SLC24A2: variants seen among roughly 807,000 people sequenced by gnomAD.
The protein encoded by SLC24A2 is sodium/potassium/calcium exchanger 2.
In SLC24A2, 36 loss-of-function variants were observed where a neutral mutation model predicts 62.0. The ratio of observed to expected loss-of-function variants is 0.58; its 90% CI spans 0.44 to 0.77. The LOEUF is 0.77. SLC24A2 is among the 30% of genes least tolerant of loss of function. SLC24A2 has a pLI of 0.00. For missense variants in SLC24A2, 846 were observed against 817.9 expected (o/e 1.03, Z -0.42); for synonymous variants, 358 against 294.0 (o/e 1.22, Z -2.23).
chr9:20,169,191 C>T, the SLC24A2 span, among the ~76,000 whole-genome samples: 6 of 151,818 alleles, frequency 4.0e-5, no homozygotes, highest in African/African-American at 1.5e-4. Context: ...TAATCAGGGG[C>T]TGAGAAGGAA....
chr9:20,226,528 A>G, the SLC24A2 span, among the ~76,000 whole-genome samples: 2 of 152,158 alleles, frequency 1.3e-5, no homozygotes, highest in Non-Finnish European at 2.9e-5. Context: ...GTAGTCTGCC[A>G]ACATTTGGCA....
chr9:20,116,136 A>T, the SLC24A2 span, among the ~76,000 whole-genome samples: 1 of 152,172 alleles, frequency 6.6e-6, no homozygotes, highest in African/African-American at 2.4e-5. Flanking sequence ...ATTTGAAAGA[A>T]ACTTAATAAT....
At chr9:20,204,739 T>C in the SLC24A2 span, among the ~76,000 whole-genome samples, 2 of 147,672 alleles carry the variant, frequency 1.4e-5, no homozygotes, top group Non-Finnish European at 3.0e-5. Context: ...ATAAAAAGTA[T>C]AACTTTTTTT....
At chr9:20,118,902 A>G in the SLC24A2 span, among the ~76,000 whole-genome samples, 29 of 152,100 alleles carry the variant, frequency 1.9e-4, no homozygotes, top group Non-Finnish European at 4.1e-4. Context: ...AAATATGTCA[A>G]AGGTGGTGAG....
the SLC24A2 span, among the ~76,000 whole-genome samples, chr9:20,009,418 T>C: frequency 8.8e-5 from 13 of 148,006 alleles, no homozygotes; most frequent in Admixed American, 6.8e-5. Flanking sequence ...GGGCGGGTGA[T>C]AGAGTTCACA....
At chr9:20,151,948 G>A in the SLC24A2 span, among the ~76,000 whole-genome samples, 1 of 151,572 alleles carries the variant, frequency 6.6e-6, no homozygotes, top group South Asian at 2.1e-4. Context: ...AACTGTTCTC[G>A]GAGTCTGGGG....
chr9:19,895,891 C>T, the SLC24A2 span: 45 of 1,613,160 alleles, frequency 2.8e-5, no homozygotes, highest in Middle Eastern at 1.7e-4. Flanking sequence ...CAGTGTGATG[C>T]GCCGGGCAGG....
the SLC24A2 span, among the ~76,000 whole-genome samples, chr9:20,045,735 G>C: frequency 6.6e-6 from 1 of 152,092 alleles, no homozygotes; most frequent in Non-Finnish European, 1.5e-5. Flanking sequence ...TGGGCCACAT[G>C]TTATTAATAC....
At chr9:19,969,004 T>C in the SLC24A2 span, among the ~76,000 whole-genome samples, 1 of 152,138 alleles carries the variant, frequency 6.6e-6, no homozygotes, top group Non-Finnish European at 1.5e-5. Context: ...ACAGTGGCTG[T>C]TCTACCAGAC....
At chr9:20,145,395 C>G in the SLC24A2 span, among the ~76,000 whole-genome samples, 1 of 152,072 alleles carries the variant, frequency 6.6e-6, no homozygotes, top group Non-Finnish European at 1.5e-5. Context: ...CATTTGGAAG[C>G]AATCTCTCAG....
At chr9:20,264,897 T>C in the SLC24A2 span, among the ~76,000 whole-genome samples, 1 of 152,194 alleles carries the variant, frequency 6.6e-6, no homozygotes, top group Non-Finnish European at 1.5e-5. Flanking sequence ...AATCTCTGAG[T>C]TCAAGACGGC....
chr9:19,925,974 T>C, the SLC24A2 span: 4 of 152,158 alleles, frequency 2.6e-5, no homozygotes, highest in African/African-American at 9.7e-5. Context: ...TGTTCTTTAA[T>C]TGCACAGTAT....
At position 19,511,446 on chromosome 9, in the gene SLC24A2, G is replaced by A. The variant is rs1475982436; in HGVS notation, c.*4707C>T. 1 of 152,222 alleles carries A rather than the reference G, an allele frequency of 6.6e-6. No individual in the cohort carries two copies. Among genetic ancestry groups the A allele is most frequent in the Admixed American group, 6.5e-5 (1 of 15,284 alleles). 9.4% of individuals were successfully genotyped at this position (152,222 alleles called of 1,614,324 possible). On this transcript the variant is annotated 3_prime_UTR_variant, in exon 11 of 11. Coordinates refer to ENST00000341998, the MANE Select transcript of SLC24A2 (RefSeq NM_020344.4). Reference sequence around the variant, plus strand: ...ATTGGCTAAACATAGCCTGATATTTGTTACTGTTTTAAACTACATAGGGAT... The same window carrying A: ...ATTGGCTAAACATAGCCTGATATTTATTACTGTTTTAAACTACATAGGGAT...
the SLC24A2 span, among the ~76,000 whole-genome samples, chr9:20,160,528 G>A: frequency 2.0e-5 from 3 of 151,212 alleles, no homozygotes; most frequent in South Asian, 6.2e-4. Flanking sequence ...AAATTGATAT[G>A]GTAGTTTATA....
At chr9:20,110,498 C>T in the SLC24A2 span, among the ~76,000 whole-genome samples, 1 of 151,552 alleles carries the variant, frequency 6.6e-6, no homozygotes. Flanking sequence ...GTGATTATAA[C>T]AATCAAAGGC....
chr9:20,291,249 T>G, the SLC24A2 span, among the ~76,000 whole-genome samples: 2 of 151,514 alleles, frequency 1.3e-5, no homozygotes, highest in African/African-American at 4.9e-5. Flanking sequence ...AGGAGAGAAA[T>G]AGAAAAACAG....
chr9:19,607,337 G>A (rs1392534708), intron 4 of SLC24A2, among the ~76,000 whole-genome samples: 11 of 152,154 alleles, frequency 7.2e-5, no homozygotes, highest in Admixed American at 7.2e-4. Context: ...AAGTTCCAGA[G>A]GAGAAAGATG....
At chr9:20,021,349 TTA>T in the SLC24A2 span, among the ~76,000 whole-genome samples, 1,521 of 151,538 alleles carry the variant, frequency 0.01, 35 homozygotes, top group African/African-American at 0.035. Flanking sequence ...TGGGACAGAT[TTA>T]TATATATATA....
the SLC24A2 span, among the ~76,000 whole-genome samples, chr9:20,177,561 G>C: frequency 6.6e-6 from 1 of 152,114 alleles, no homozygotes; most frequent in Admixed American, 6.6e-5. Flanking sequence ...GAGGAAGTGA[G>C]TGGTATGTTT....
Sources: allele counts gnomAD v4.1 joint callset (sites outside exome capture counted in the v4.1 genomes callset), GRCh38; gene constraint gnomAD v4.1.1; transcripts MANE v1.5; gene names NCBI Gene and HGNC (gene_info 2026-07-23, HGNC 2026-07-21).